ZFYVE28: variants seen among roughly 807,000 people sequenced by gnomAD.
The protein encoded by ZFYVE28 is zinc finger FYVE-type containing 28.
Under a neutral mutation model 82.1 loss-of-function variants are expected in ZFYVE28, and 40 were observed. That is an observed-to-expected ratio of 0.49 (90% CI 0.38 to 0.63). ZFYVE28 has a LOEUF of 0.63. Among genes scored for constraint, ZFYVE28 ranks in the 30% least tolerant of loss-of-function variants. The pLI is 0.00. For synonymous variants in ZFYVE28, 612 were observed against 546.1 expected, an observed-to-expected ratio of 1.12 and a Z score of -1.68; for missense variants, 1,321 against 1,242.1, an observed-to-expected ratio of 1.06 and a Z score of -0.96.
At chr4:2,292,339 A>C (rs1303236790) in intron 8 of ZFYVE28, among the ~76,000 whole-genome samples, 1 of 152,228 alleles carries the variant, frequency 6.6e-6, no homozygotes, top group Non-Finnish European at 1.5e-5. Flanking sequence ...TGGTGGCTCC[A>C]TGCCAAAGGG....
rs559939540 is a variant in ZFYVE28 at position 2,394,730 on chromosome 4, G to C, written c.39+23555C>G. On this transcript the variant is annotated intron_variant, in intron 1 of 12. Coordinates refer to ENST00000290974, the MANE Select transcript of ZFYVE28 (RefSeq NM_020972.3). This position sits in a 1 kb window ranked among gnomAD's most constrained non-coding sequence, Gnocchi z 4.0. ...TGAACAGGCACCACTCTGCGCAGCT[G>C]CATCGATGCCTGACTGCACGTGTGC... Among the ~76,000 whole-genome samples, 1 of 152,370 alleles carries C rather than the reference G, an allele frequency of 6.6e-6. No homozygotes were observed. The highest frequency in any genetic ancestry group is 2.1e-4 in the South Asian group (1 of 4,830).
Position 2,289,769 on chromosome 4 carries a change from C to T in ZFYVE28, c.2051+14520G>A, listed in dbSNP as rs758732640. ...AGGTGACACAGCTTACCACAGCCTG[C>T]GGGGGCCTGTGCATCGTGCTCCAGG... On this transcript the variant is annotated intron_variant, in intron 8 of 12. Transcript: ENST00000290974. Among the ~76,000 whole-genome samples, 8 of 152,130 alleles carry T rather than the reference C, an allele frequency of 5.3e-5. No individual in the cohort carries two copies. In the South Asian group the frequency reaches 6.2e-4, roughly 12 times the overall value.
At position 2,413,273 on chromosome 4, in the gene ZFYVE28, C is replaced by T. The variant is rs112695795; in HGVS notation, c.39+5012G>A. Among the ~76,000 whole-genome samples the T allele has an allele frequency of 7.2e-4, 110 of 152,352 alleles. 4 individuals are homozygous for T. The highest frequency in any genetic ancestry group is 2.5e-3 in the African/African-American group (105 of 41,584). ...CCAGGGAGTAGGTTCTACAAAGCCACCTCAAGAGCACATGGGCTCTCAGGC... is the reference window on the plus strand; with the variant it reads ...CCAGGGAGTAGGTTCTACAAAGCCATCTCAAGAGCACATGGGCTCTCAGGC... On this transcript the variant is annotated intron_variant, in intron 1 of 12. Transcript: ENST00000290974.
chr4:2,288,550 G>A (rs1713114730), intron 8 of ZFYVE28, among the ~76,000 whole-genome samples: 1 of 152,236 alleles, frequency 6.6e-6, no homozygotes. Flanking sequence ...GTCCTGCCAT[G>A]GGGAGGGTGT....
At chr4:2,290,990 C>T (rs1050663933) in intron 8 of ZFYVE28, among the ~76,000 whole-genome samples, 2 of 152,222 alleles carry the variant, frequency 1.3e-5, no homozygotes, top group African/African-American at 2.4e-5. Flanking sequence ...AATACATGTG[C>T]ACCCTAAAAA....
chr4:2,352,118 T>G (rs1007876915), intron 2 of ZFYVE28, among the ~76,000 whole-genome samples: 1 of 151,912 alleles, frequency 6.6e-6, no homozygotes, highest in African/African-American at 2.4e-5. Flanking sequence ...CCAAGTTAGG[T>G]TGAAACAATG....
intron 5 of ZFYVE28, among the ~76,000 whole-genome samples, chr4:2,337,090 C>G (rs759487472): frequency 2.0e-5 from 3 of 151,434 alleles, no homozygotes; most frequent in Non-Finnish European, 4.4e-5. Context: ...GACGTCCAAT[C>G]CATCATGCCA....
intron 2 of ZFYVE28, chr4:2,343,660 A>T (rs1297360399): frequency 6.6e-6 from 1 of 152,250 alleles, no homozygotes; most frequent in Non-Finnish European, 1.5e-5. Context: ...AGAGTCCAGG[A>T]TCTGAGGCTC....
chr4:2,397,039 C>T (rs1410211829), intron 1 of ZFYVE28, among the ~76,000 whole-genome samples: 2 of 152,122 alleles, frequency 1.3e-5, no homozygotes, highest in African/African-American at 2.4e-5. Context: ...CTGCCACGGC[C>T]GGGGATCAGG....
chr4:2,288,353 G>A (rs1453275409), intron 8 of ZFYVE28, among the ~76,000 whole-genome samples: 1 of 152,256 alleles, frequency 6.6e-6, no homozygotes. Flanking sequence ...ATGAGGGCAA[G>A]TCCTGATCTG....
At position 2,332,911 on chromosome 4, in the gene ZFYVE28, C is replaced by A. The variant is rs1223341778; in HGVS notation, c.701+2794G>T. On this transcript the variant is annotated intron_variant, in intron 6 of 12. Coordinates refer to ENST00000290974, the MANE Select transcript of ZFYVE28 (RefSeq NM_020972.3). The surrounding 1 kb of genome is among the most constrained non-coding windows in gnomAD (Gnocchi z 4.7). ...CACAGCCTGGCTCTGTGGCTAGATG[C>A]CTGCCTCTGTGGGGGCTCACAGCTG... is the stretch of plus-strand genomic sequence containing the variant. Among the ~76,000 whole-genome samples the A allele has an allele frequency of 1.3e-5, 2 of 152,122 alleles. No homozygotes were observed. Among genetic ancestry groups the A allele is most frequent in the Admixed American group, 1.3e-4 (2 of 15,284 alleles).
chr4:2,315,923 G>A (rs1342208508), intron 7 of ZFYVE28, among the ~76,000 whole-genome samples: 1 of 151,684 alleles, frequency 6.6e-6, no homozygotes, highest in Non-Finnish European at 1.5e-5. Flanking sequence ...GGCCTTTTGA[G>A]TTTGTTACAC....
chr4:2,344,685 T>A (rs1723267277), intron 2 of ZFYVE28, among the ~76,000 whole-genome samples: 2 of 147,950 alleles, frequency 1.4e-5, no homozygotes, highest in Admixed American at 6.7e-5. Flanking sequence ...TCACCTGAGG[T>A]CGGGAGTTCG....
At chr4:2,286,628 C>G (rs1255390364) in intron 8 of ZFYVE28, 1 of 152,254 alleles carries the variant, frequency 6.6e-6, no homozygotes, top group Non-Finnish European at 1.5e-5. Context: ...CACAGCCCAG[C>G]TAGCTGATGC....
intron 8 of ZFYVE28, among the ~76,000 whole-genome samples, chr4:2,297,702 G>A (rs939676714): frequency 2.1e-4 from 32 of 152,058 alleles, no homozygotes; most frequent in Admixed American, 9.2e-4. Context: ...GTGATATAGC[G>A]ACATGGTTGG....
At position 2,278,936 on chromosome 4, in the gene ZFYVE28, C is replaced by G. The variant is rs1017421407; in HGVS notation, c.2052-4720G>C. Among the ~76,000 whole-genome samples the G allele has an allele frequency of 3.4e-5, 5 of 148,340 alleles. No homozygotes were observed. The South Asian group carries it at 6.4e-4, about 19-fold the overall frequency. ...TTAGGACGATTAGAATGTTCCCCCC[C>G]CCCTCAAAAAAAAAAAACCCAGAAA... On this transcript the variant is annotated intron_variant, in intron 8 of 12. Coordinates refer to ENST00000290974, the MANE Select transcript of ZFYVE28 (RefSeq NM_020972.3).
chr4:2,270,643 G>A lies in ZFYVE28; in HGVS notation c.*82C>T, dbSNP rs955273789. On this transcript the variant is annotated 3_prime_UTR_variant, in exon 13 of 13. Coordinates refer to ENST00000290974, the MANE Select transcript of ZFYVE28 (RefSeq NM_020972.3). The stretch of plus-strand genomic sequence containing the variant: ...AGCAGCGGCAGCGGCCTCATGAGAC[G>A]CAGTGAGACCTGCCTGCAGCGTGGC... 7.6e-6 allele frequency: 12 copies of A among 1,582,532 alleles called. No individual in the cohort carries two copies. Among genetic ancestry groups the A allele is most frequent in the Non-Finnish European group, 1.0e-5 (12 of 1,161,772 alleles).
rs145252417 is a variant in ZFYVE28 at position 2,304,489 on chromosome 4, T to G, written c.1851A>C (p.Ser617=). 6.7e-3 allele frequency: 10,801 copies of G among 1,613,018 alleles called. 1,037 individuals are homozygous for G. In the Admixed American group the frequency reaches 0.17, roughly 25 times the overall value. ...PERQEEAPPP[S]EDASNGREPK... ...GCTCCCGCCCGTTGGAGGCATCTTC[T>G]GAGGGTGGGGGCGCCTCCTCCTGTC... is the stretch of plus-strand genomic sequence containing the variant. Residue 617 remains serine, a synonymous_variant, in exon 8 of 13, where the codon TCA becomes TCC. Coordinates refer to ENST00000290974, the MANE Select transcript of ZFYVE28 (RefSeq NM_020972.3).
rs1228348485 is a variant in ZFYVE28, at chr4:2,283,281, C to T, written c.2052-9065G>A. On this transcript the variant is annotated intron_variant, in intron 8 of 12. Transcript: ENST00000290974. ...GTACCCACCTGTCCACCCACCAATCCGTCTACCCATCATCCAATCTTCCAC... is the reference window on the plus strand; with the variant it reads ...GTACCCACCTGTCCACCCACCAATCTGTCTACCCATCATCCAATCTTCCAC... Among the ~76,000 whole-genome samples, 26 of 150,830 alleles carry T rather than the reference C, an allele frequency of 1.7e-4. 1 individual carries two copies. Among genetic ancestry groups the T allele is most frequent in the Non-Finnish European group, 3.2e-4 (22 of 67,746 alleles).
Sources: gnomAD v4.1 joint callset for allele counts (sites outside exome capture counted in the v4.1 genomes callset) on GRCh38, gnomAD v4.1.1 for gene constraint, Gnocchi (gnomAD v3.1) non-coding constraint, MANE v1.5 for transcripts, NCBI Gene and HGNC (gene_info 2026-07-23, HGNC 2026-07-21) for gene names.